The following TGFB3 variants were observed in gnomAD, a reference collection of about 807,000 sequenced individuals.
The protein encoded by TGFB3 is transforming growth factor beta 3.
In TGFB3, 5 loss-of-function variants were observed where a neutral mutation model predicts 40.1. The ratio of observed to expected loss-of-function variants is 0.12; its 90% CI spans 0.07 to 0.26. The LOEUF (loss-of-function observed/expected upper bound fraction) is 0.26, where lower values mean the gene tolerates loss of function less well. TGFB3 is among the 10% of genes least tolerant of loss of function. The pLI, the probability that TGFB3 is intolerant of heterozygous loss-of-function variation, is 1.00. For missense variants in TGFB3, 373 were observed against 530.1 expected, an observed-to-expected ratio of 0.70 and a Z score of 2.91; for synonymous variants, 184 against 205.6, an observed-to-expected ratio of 0.89 and a Z score of 0.90.
Position 75,981,566 on chromosome 14 carries a change from C to T in TGFB3, c.-673G>A, listed in dbSNP as rs754148570. 1.3e-5 allele frequency: 2 copies of T among 156,208 alleles called. No homozygotes were observed. The highest frequency in any genetic ancestry group is 2.8e-5 in the Non-Finnish European group (2 of 70,414). The allele number at this position is 156,208 out of a possible 1,614,324, so 9.7% of individuals were successfully genotyped here. A position where few individuals can be genotyped will look rare whatever the true frequency, so the allele number is the denominator to read the frequency against. The stretch of plus-strand genomic sequence containing the variant: ...CATGCTTTCTCTTTTGTTTACACTT[C>T]CTCGGGGGCTTTCTAAATGACTTTG... On this transcript the variant is annotated 5_prime_UTR_variant, in exon 1 of 7. Coordinates refer to ENST00000238682, the MANE Select transcript of TGFB3 (RefSeq NM_003239.5). This position sits in a 1 kb window ranked among gnomAD's most constrained non-coding sequence, Gnocchi z 4.7.
In TGFB3 at chr14:75,963,144, AAG is replaced by A. The variant is rs1452898951; in HGVS notation, c.926+170_926+171del. ...ACAGTGGGACTCCCAGGAAAACAGAAAGAGATTTCACAGAGAAAATCTCTGTG... is the reference window on the plus strand; with the variant it reads ...ACAGTGGGACTCCCAGGAAAACAGAAAGATTTCACAGAGAAAATCTCTGTG... On this transcript the variant is annotated intron_variant, in intron 5 of 6. Transcript: ENST00000238682. 12 of 786,940 alleles carry A rather than the reference AAG, an allele frequency of 1.5e-5. No homozygotes were observed. In the Admixed American group the frequency reaches 2.5e-4, roughly 17 times the overall value. The allele number at this position is 786,940 out of a possible 1,614,324, so 48.7% of individuals were successfully genotyped here.
intron 1 of TGFB3, among the ~76,000 whole-genome samples, chr14:75,977,980 G>A (rs146464658): frequency 7.6e-4 from 116 of 152,064 alleles, no homozygotes; most frequent in African/African-American, 2.4e-3. Flanking sequence ...TGTAAAACAG[G>A]GAGAAAAGGT....
Position 75,971,046 on chromosome 14 carries a change from C to G in TGFB3, c.646+80G>C. On this transcript the variant is annotated intron_variant, in intron 3 of 6. Transcript: ENST00000238682. The surrounding 1 kb of genome is among the most constrained non-coding windows in gnomAD (Gnocchi z 4.5). Reference sequence around the variant, plus strand: ...ACCCAGATCTCTGACTCCCTTAATTCTGTCCTCTTCCCTCCATTTCATGGA... The same window carrying G: ...ACCCAGATCTCTGACTCCCTTAATTGTGTCCTCTTCCCTCCATTTCATGGA... 6.3e-7 allele frequency: 1 copy of G among 1,595,924 alleles called. No homozygotes were observed. The highest frequency in any genetic ancestry group is 8.5e-7 in the Non-Finnish European group (1 of 1,171,592).
intron 3 of TGFB3, 39 bp from the exon 4 acceptor site, chr14:75,965,734 GTGTGATGGGGAAGTGTGCC>G: frequency 6.5e-7 from 1 of 1,542,560 alleles, no homozygotes; most frequent in Non-Finnish European, 9.0e-7. Flanking sequence ...AAGCACCTCT[GTGTGATGGGGAAGTGTGCC>G]CACCACCCAT....
Position 75,965,621 on chromosome 14 carries a change from T to C in TGFB3, c.721A>G (p.Asn241Asp). 1 of 1,614,196 alleles carries C rather than the reference T, an allele frequency of 6.2e-7. No homozygotes were observed. Among genetic ancestry groups the C allele is most frequent in the Non-Finnish European group, 8.5e-7 (1 of 1,180,012 alleles). The change falls in exon 4 of 7, where the codon AAC becomes GAC. Residue 241 changes from asparagine to aspartate, a missense_variant. Coordinates refer to ENST00000238682, the MANE Select transcript of TGFB3 (RefSeq NM_003239.5). ...TFQPNGDILENIHEVMEIKFK... is the reference protein window; with the variant it reads ...TFQPNGDILEDIHEVMEIKFK... ...TTGATTTCCATCACCTCGTGAATGT[T>C]TTCCAGGATATCTCCATTGGGCTGA...
Position 75,971,147 on chromosome 14 carries a change from G to T in TGFB3, c.625C>A (p.Arg209Ser). The T allele has an allele frequency of 6.2e-7, 1 of 1,613,990 alleles. No homozygotes were observed. Among genetic ancestry groups the T allele is most frequent in the Non-Finnish European group, 8.5e-7 (1 of 1,179,974 alleles). ...WLSFDVTDTV[R>S]EWLLRRESNL... ...CTACCTCTTCTCAACAGCCACTCACGCACAGTGTCAGTGACATCAAAGGAC... is the reference window on the plus strand; with the variant it reads ...CTACCTCTTCTCAACAGCCACTCACTCACAGTGTCAGTGACATCAAAGGAC... The change falls in exon 3 of 7, where the codon CGT (arginine) becomes AGT (serine). Residue 209 changes from arginine (R) to serine (S), a missense_variant. Transcript: ENST00000238682. The surrounding 1 kb of genome is among the most constrained non-coding windows in gnomAD (Gnocchi z 4.5).
intron 1 of TGFB3, among the ~76,000 whole-genome samples, chr14:75,974,292 A>G (rs1391121545): frequency 6.6e-6 from 1 of 152,108 alleles, no homozygotes; most frequent in African/African-American, 2.4e-5. Flanking sequence ...CTTCCAGCCT[A>G]TCAATCATAA....
intron 5 of TGFB3, 147 bp downstream of exon 5, chr14:75,963,169 G>C (rs11466438): frequency 5.7e-6 from 5 of 884,056 alleles, no homozygotes; most frequent in Non-Finnish European, 7.4e-6. Context: ...GAAAATCTCT[G>C]TGAGAGATTT....
chr14:75,975,102 T>C (rs2035337707), intron 1 of TGFB3, among the ~76,000 whole-genome samples: 2 of 151,362 alleles, frequency 1.3e-5, no homozygotes. Flanking sequence ...GAACAGTGGC[T>C]CATGCCTGTA....
chr14:75,975,015 C>T (rs1193570516), intron 1 of TGFB3, among the ~76,000 whole-genome samples: 1 of 151,846 alleles, frequency 6.6e-6, no homozygotes, highest in East Asian at 1.9e-4. Flanking sequence ...TGCTTGAGCC[C>T]AGGAGTTCAA....
At chr14:75,963,568 C>G (rs1191987872) in intron 4 of TGFB3, 81 bp from the exon 5 acceptor site, 2 of 1,560,618 alleles carry the variant, frequency 1.3e-6, no homozygotes, top group Non-Finnish European at 1.8e-6. Flanking sequence ...CACGCCCCAT[C>G]ACTGCCCAGG....
At chr14:75,964,605 G>C (rs1332024514) in intron 4 of TGFB3, among the ~76,000 whole-genome samples, 1 of 152,162 alleles carries the variant, frequency 6.6e-6, no homozygotes, top group African/African-American at 2.4e-5. Flanking sequence ...ATAGCTACAG[G>C]AGTGGCTCGG....
chr14:75,971,864 A>T lies in TGFB3; in HGVS notation c.353-146T>A. On this transcript the variant is annotated intron_variant, in intron 1 of 6. Transcript: ENST00000238682. The surrounding 1 kb of genome is among the most constrained non-coding windows in gnomAD (Gnocchi z 4.5). Reference sequence around the variant, plus strand: ...CCTCAGACCGCAAGGTGGAGATACGAGGAAGATTCTTGGTGGCCCTAGAAT... The same window carrying T: ...CCTCAGACCGCAAGGTGGAGATACGTGGAAGATTCTTGGTGGCCCTAGAAT... The T allele has an allele frequency of 1.2e-6, 1 of 828,678 alleles. No individual in the cohort carries two copies. Among genetic ancestry groups the T allele is most frequent in the African/African-American group, 1.7e-5 (1 of 59,344 alleles). 51.3% of individuals were successfully genotyped at this position (828,678 alleles called of 1,614,324 possible). A position where few individuals can be genotyped will look rare whatever the true frequency, so the allele number is the denominator to read the frequency against.
Position 75,971,608 on chromosome 14 carries a change from G to A in TGFB3, c.463C>T (p.Arg155Trp), listed in dbSNP as rs868258653. 1.9e-6 allele frequency: 3 copies of A among 1,614,074 alleles called. No individual in the cohort carries two copies. Among genetic ancestry groups the A allele is most frequent in the South Asian group, 1.1e-5 (1 of 91,074 alleles). The change falls in exon 2 of 7, where the codon CGG (arginine) becomes TGG (tryptophan). Residue 155 changes from arginine to tryptophan, a missense_variant. Arg to Trp is a moderately radical substitution (Grantham distance 101, BLOSUM62 -3). Coordinates refer to ENST00000238682, the MANE Select transcript of TGFB3 (RefSeq NM_003239.5). This position sits in a 1 kb window ranked among gnomAD's most constrained non-coding sequence, Gnocchi z 4.5. ...CGCTTAGAGCTGGGGTTGGGCACCC[G>A]CAAGACCCGGAATTCTGCTCGGAAT... ...NLFRAEFRVL[R>W]VPNPSSKRNE... is the part of the protein sequence containing the mutation.
chr14:75,982,374 G>A (rs1055597459), upstream of TGFB3, among the ~76,000 whole-genome samples: 13 of 152,164 alleles, frequency 8.5e-5, no homozygotes, highest in Non-Finnish European at 1.8e-4. The surrounding 1 kb of genome is among the most constrained non-coding windows in gnomAD (Gnocchi z 4.0). Flanking sequence ...CCGCGGGCCA[G>A]GCCCAACCCG....
chr14:75,978,678 A>T lies in TGFB3; in HGVS notation c.352+1864T>A, dbSNP rs920947120. On this transcript the variant is annotated intron_variant, in intron 1 of 6. Coordinates refer to ENST00000238682, the MANE Select transcript of TGFB3 (RefSeq NM_003239.5). The surrounding 1 kb of genome is among the most constrained non-coding windows in gnomAD (Gnocchi z 5.0). ...TACTGCAGCCTGGAAGCTGCCCAGC[A>T]TCTATGGGGCCCTGCCCGGGCTTTT... is the stretch of plus-strand genomic sequence containing the variant. 6.6e-6 allele frequency among the ~76,000 whole-genome samples: 1 copy of T among 152,250 alleles called. No homozygotes were observed. The highest frequency in any genetic ancestry group is 1.5e-5 in the Non-Finnish European group (1 of 68,036).
chr14:75,964,176 C>T (rs1235041392), intron 4 of TGFB3, among the ~76,000 whole-genome samples: 2 of 152,130 alleles, frequency 1.3e-5, no homozygotes, highest in Admixed American at 6.6e-5. Context: ...GCACCCAGCC[C>T]TGGATTGTCA....
At chr14:75,975,144 G>A (rs2035338386) in intron 1 of TGFB3, among the ~76,000 whole-genome samples, 1 of 152,056 alleles carries the variant, frequency 6.6e-6, no homozygotes, top group East Asian at 1.9e-4. Context: ...GAGGCAGGTG[G>A]ATCACTGGAG....
rs967421400 is a variant in TGFB3, at chr14:75,979,915, C to A, written c.352+627G>T. 6.6e-6 allele frequency among the ~76,000 whole-genome samples: 1 copy of A among 152,190 alleles called. No individual in the cohort carries two copies. Among genetic ancestry groups the A allele is most frequent in the Non-Finnish European group, 1.5e-5 (1 of 68,034 alleles). On this transcript the variant is annotated intron_variant, in intron 1 of 6. Transcript: ENST00000238682. This position sits in a 1 kb window ranked among gnomAD's most constrained non-coding sequence, Gnocchi z 4.8. ...ACGGCCCTGGGAACATTCGTGCATA[C>A]CCTCTTCCTTCCACACACACAGCTC... is the stretch of plus-strand genomic sequence containing the variant.
Sources: allele counts gnomAD v4.1 joint callset (sites outside exome capture counted in the v4.1 genomes callset), GRCh38; gene constraint gnomAD v4.1.1; non-coding constraint Gnocchi (gnomAD v3.1); transcripts MANE v1.5; gene names NCBI Gene and HGNC (gene_info 2026-07-23, HGNC 2026-07-21).